GDF11: variants seen among roughly 807,000 people sequenced by gnomAD.
The protein encoded by GDF11 is growth/differentiation factor 11.
Under a neutral mutation model 34.4 loss-of-function variants are expected in GDF11, and 12 were observed. That is an observed-to-expected ratio of 0.35 (90% CI 0.22 to 0.57). The LOEUF (loss-of-function observed/expected upper bound fraction) is 0.57, where lower values mean the gene tolerates loss of function less well. GDF11 is among the 20% of genes least tolerant of loss of function. The pLI is 0.86. For synonymous variants in GDF11, 212 were observed against 231.1 expected (o/e 0.92, Z 0.75); for missense variants, 346 against 548.2 (o/e 0.63, Z 3.68).
rs1878298175 is a variant in GDF11, at chr12:55,750,879, A to G, written c.*997A>G. On this transcript the variant is annotated 3_prime_UTR_variant, in exon 3 of 3. Coordinates refer to ENST00000257868, the MANE Select transcript of GDF11 (RefSeq NM_005811.5). ...TTTAGCCAGAGGGTGCAGCCTGCTT[A>G]TGCCCAAATTCCCTCAGCCAAGAGA... is the stretch of plus-strand genomic sequence containing the variant. The G allele has an allele frequency of 6.6e-6, 1 of 152,210 alleles. No individual in the cohort carries two copies. Among genetic ancestry groups the G allele is most frequent in the African/African-American group, 2.4e-5 (1 of 41,432 alleles). 9.4% of individuals were successfully genotyped at this position (152,210 alleles called of 1,614,324 possible). A position where few individuals can be genotyped will look rare whatever the true frequency, so the allele number is the denominator to read the frequency against.
rs1221557708 is a variant in GDF11, at chr12:55,753,079, T to TG, written c.*3202dup. ...GAAGGATGGAAAGAGGACAGGAAACTGGGGGTACCTAGAACAACCCCTCTC... is the reference window on the plus strand; with the variant it reads ...GAAGGATGGAAAGAGGACAGGAAACTGGGGGGTACCTAGAACAACCCCTCTC... On this transcript the variant is annotated 3_prime_UTR_variant, in exon 3 of 3. Transcript: ENST00000257868. 3 of 152,194 alleles carry TG rather than the reference T, an allele frequency of 2.0e-5. No homozygotes were observed. Among genetic ancestry groups the TG allele is most frequent in the Non-Finnish European group, 4.4e-5 (3 of 68,066 alleles). 9.4% of individuals were successfully genotyped at this position (152,194 alleles called of 1,614,324 possible).
At position 55,752,572 on chromosome 12, in the gene GDF11, TATC is replaced by T. The variant is rs1169309886; in HGVS notation, c.*2693_*2695del. The T allele has an allele frequency of 1.3e-5, 2 of 152,182 alleles. No homozygotes were observed. The highest frequency in any genetic ancestry group is 2.4e-5 in the African/African-American group (1 of 41,436). 9.4% of individuals were successfully genotyped at this position (152,182 alleles called of 1,614,324 possible). A position where few individuals can be genotyped will look rare whatever the true frequency, so the allele number is the denominator to read the frequency against. On this transcript the variant is annotated 3_prime_UTR_variant, in exon 3 of 3. Transcript: ENST00000257868. ...GACCTGGCCAGTGCCCCTCTGAACA[TATC>T]ATTATTAGTGTAATTATCATTTATT... is the stretch of plus-strand genomic sequence containing the variant.
In GDF11 at chr12:55,748,920, C is replaced by T. The variant is rs1417445669; in HGVS notation, c.780C>T (p.Asn260=). The T allele has an allele frequency of 3.7e-6, 6 of 1,605,042 alleles. No homozygotes were observed. Among genetic ancestry groups the T allele is most frequent in the Non-Finnish European group, 5.1e-6 (6 of 1,179,858 alleles). The change falls in exon 2 of 3, where the codon AAC becomes AAT. Residue 260 remains asparagine, a synonymous_variant. Transcript: ENST00000257868. This position sits in a 1 kb window ranked among gnomAD's most constrained non-coding sequence, Gnocchi z 5.6. ...QPQSNWGIEI[N]AFDPSGTDLA... ...AGAGCAACTGGGGCATCGAGATCAA[C>T]GCCTTTGATCCCAGTGGCACAGACC...
chr12:55,753,935 G>A lies in GDF11; in HGVS notation c.*4053G>A, dbSNP rs1878421689. 1 of 152,156 alleles carries A rather than the reference G, an allele frequency of 6.6e-6. No homozygotes were observed. The highest frequency in any genetic ancestry group is 6.5e-5 in the Admixed American group (1 of 15,274). The allele number at this position is 152,156 out of a possible 1,614,324, so 9.4% of individuals were successfully genotyped here. On this transcript the variant is annotated 3_prime_UTR_variant, in exon 3 of 3. Transcript: ENST00000257868. ...AAATAGCCACTGTACTCCAAGCTGA[G>A]CAACACAGTAAGACACTGTCTCTAA...
At position 55,755,492 on chromosome 12, in the gene GDF11, G is replaced by C. The variant is rs1002420374; in HGVS notation, c.*5610G>C. 6.6e-6 allele frequency: 1 copy of C among 152,216 alleles called. No individual in the cohort carries two copies. Among genetic ancestry groups the C allele is most frequent in the Non-Finnish European group, 1.5e-5 (1 of 68,042 alleles). 9.4% of individuals were successfully genotyped at this position (152,216 alleles called of 1,614,324 possible). ...GAGAATGTCACAGCTTCAGGAATTG[G>C]AATCAGTTAACCACATCTGGATGCT... On this transcript the variant is annotated 3_prime_UTR_variant, in exon 3 of 3. Coordinates refer to ENST00000257868, the MANE Select transcript of GDF11 (RefSeq NM_005811.5).
chr12:55,753,770 C>CAAAAAAA lies in GDF11; in HGVS notation c.*3907_*3913dup, dbSNP rs35350773. ...GGTGACAGAGTGAGACTCCCATCTC[C>CAAAAAAA]AAAAAAAAAAAAAAAAAAAAAAAAA... is the stretch of plus-strand genomic sequence containing the variant. On this transcript the variant is annotated 3_prime_UTR_variant, in exon 3 of 3. Coordinates refer to ENST00000257868, the MANE Select transcript of GDF11 (RefSeq NM_005811.5). 3 of 51,118 alleles carry CAAAAAAA rather than the reference C, an allele frequency of 5.9e-5. No individual in the cohort carries two copies. Among genetic ancestry groups the CAAAAAAA allele is most frequent in the African/African-American group, 2.6e-4 (3 of 11,652 alleles). The allele number at this position is 51,118 out of a possible 1,614,324, so 3.2% of individuals were successfully genotyped here.
At position 55,754,542 on chromosome 12, in the gene GDF11, T is replaced by G. The variant is rs1176905861; in HGVS notation, c.*4660T>G. On this transcript the variant is annotated 3_prime_UTR_variant, in exon 3 of 3. Transcript: ENST00000257868. ...TGAATGGGACTCTTTCTGCCTTTTC[T>G]TTTTCTCAAAATACGACTGCATTAA... 1.3e-5 allele frequency: 2 copies of G among 152,236 alleles called. No individual in the cohort carries two copies. The highest frequency in any genetic ancestry group is 6.5e-5 in the Admixed American group (1 of 15,286). 9.4% of individuals were successfully genotyped at this position (152,236 alleles called of 1,614,324 possible).
chr12:55,749,122 G>A lies in GDF11; in HGVS notation c.843+139G>A. The A allele has an allele frequency of 2.2e-6, 2 of 890,116 alleles. No individual in the cohort carries two copies. The highest frequency in any genetic ancestry group is 3.3e-6 in the Non-Finnish European group (2 of 601,106). 55.1% of individuals were successfully genotyped at this position (890,116 alleles called of 1,614,324 possible). On this transcript the variant is annotated intron_variant, in intron 2 of 2. Transcript: ENST00000257868. This position sits in a 1 kb window ranked among gnomAD's most constrained non-coding sequence, Gnocchi z 5.6. ...TCTGGGGTCAGCAGCTGATTCTAGA[G>A]GAGGAGGTGAGGAGTGGGGTGGCAA...
Position 55,749,365 on chromosome 12 carries a change from T to C in GDF11, c.844-137T>C. On this transcript the variant is annotated intron_variant, in intron 2 of 2. Transcript: ENST00000257868. The surrounding 1 kb of genome is among the most constrained non-coding windows in gnomAD (Gnocchi z 5.6). ...GCAAGAAAAGTGGGCAAAAGATAAA[T>C]TCTGGGGGTGGGAGCAATGGAAAAG... The C allele has an allele frequency of 1.1e-6, 1 of 930,196 alleles. No homozygotes were observed. The highest frequency in any genetic ancestry group is 1.7e-5 in the African/African-American group (1 of 60,526). 57.6% of individuals were successfully genotyped at this position (930,196 alleles called of 1,614,324 possible). A position where few individuals can be genotyped will look rare whatever the true frequency, so the allele number is the denominator to read the frequency against.
rs1227502683 is a variant in GDF11, at chr12:55,756,997, TTC to T, written c.*7117_*7118del. The T allele has an allele frequency of 2.0e-5, 3 of 152,298 alleles. No homozygotes were observed. The highest frequency in any genetic ancestry group is 4.4e-5 in the Non-Finnish European group (3 of 68,090). 9.4% of individuals were successfully genotyped at this position (152,298 alleles called of 1,614,324 possible). ...TTTGCAACACCTAAAACCTCCCATG[TTC>T]TGTTTTATTTCAGTGGGTCACTACA... On this transcript the variant is annotated 3_prime_UTR_variant, in exon 3 of 3. Transcript: ENST00000257868.
chr12:55,746,287 C>T (rs563782485), intron 1 of GDF11, among the ~76,000 whole-genome samples: 4 of 152,144 alleles, frequency 2.6e-5, no homozygotes, highest in Non-Finnish European at 5.9e-5. Flanking sequence ...GTTTAGCTTC[C>T]TCCCACCTTT....
At position 55,743,511 on chromosome 12, in the gene GDF11, C is replaced by T. The variant is rs779578711; in HGVS notation, c.195C>T (p.Cys65=). Residue 65 remains cysteine, a synonymous_variant, in exon 1 of 3, where the codon TGC becomes TGT. Coordinates refer to ENST00000257868, the MANE Select transcript of GDF11 (RefSeq NM_005811.5). ...VAPEPDGCPV[C]VWRQHSRELR... is the part of the protein sequence containing the mutation. ...CCGAGCCGGACGGCTGCCCCGTGTGCGTTTGGCGGCAGCACAGCCGCGAGC... is the reference window on the plus strand; with the variant it reads ...CCGAGCCGGACGGCTGCCCCGTGTGTGTTTGGCGGCAGCACAGCCGCGAGC... The T allele has an allele frequency of 6.9e-6, 11 of 1,591,428 alleles. No individual in the cohort carries two copies. Among genetic ancestry groups the T allele is most frequent in the African/African-American group, 1.3e-5 (1 of 74,394 alleles).
At chr12:55,746,699 A>G (rs149209633) in intron 1 of GDF11, among the ~76,000 whole-genome samples, 2,178 of 152,352 alleles carry the variant, frequency 0.014, 23 homozygotes, top group African/African-American at 0.03. Flanking sequence ...GTAGCTTCTC[A>G]ATAAATGTTG....
In GDF11 at chr12:55,748,117, T is replaced by G. The variant is rs1043136653; in HGVS notation, c.446-469T>G. 6.6e-6 allele frequency among the ~76,000 whole-genome samples: 1 copy of G among 152,206 alleles called. No individual in the cohort carries two copies. The highest frequency in any genetic ancestry group is 1.5e-5 in the Non-Finnish European group (1 of 68,028). ...GGGTTATCCCCTCTCTGAGGCCATC[T>G]GTGTTATTTTGTGGGGGAGGGATGT... On this transcript the variant is annotated intron_variant, in intron 1 of 2. Coordinates refer to ENST00000257868, the MANE Select transcript of GDF11 (RefSeq NM_005811.5). The surrounding 1 kb of genome is among the most constrained non-coding windows in gnomAD (Gnocchi z 5.6).
intron 1 of GDF11, among the ~76,000 whole-genome samples, chr12:55,744,647 C>T (rs896931165): frequency 6.6e-6 from 1 of 150,874 alleles, no homozygotes; most frequent in East Asian, 1.9e-4. Flanking sequence ...CTACACCCCC[C>T]CTTTTCCAGC....
chr12:55,745,410 G>C (rs1878160366), intron 1 of GDF11, among the ~76,000 whole-genome samples: 1 of 152,014 alleles, frequency 6.6e-6, no homozygotes, highest in Admixed American at 6.5e-5. Context: ...CATGAGTTGG[G>C]CTGTGCAGGT....
rs535243034 is a variant in GDF11, at chr12:55,752,995, G to A, written c.*3113G>A. ...CAATGACTAAGAAGATGGGGTCCTGGAGCAAGACAGAAAACACTAAGGGCA... is the reference window on the plus strand; with the variant it reads ...CAATGACTAAGAAGATGGGGTCCTGAAGCAAGACAGAAAACACTAAGGGCA... On this transcript the variant is annotated 3_prime_UTR_variant, in exon 3 of 3. Transcript: ENST00000257868. 6.6e-6 allele frequency: 1 copy of A among 152,312 alleles called. No homozygotes were observed. The highest frequency in any genetic ancestry group is 2.1e-4 in the South Asian group (1 of 4,824). The allele number at this position is 152,312 out of a possible 1,614,324, so 9.4% of individuals were successfully genotyped here. A position where few individuals can be genotyped will look rare whatever the true frequency, so the allele number is the denominator to read the frequency against.
chr12:55,746,167 A>G (rs981850632), intron 1 of GDF11, among the ~76,000 whole-genome samples: 63 of 152,168 alleles, frequency 4.1e-4, no homozygotes, highest in African/African-American at 1.4e-3. Flanking sequence ...AGCTCGGCAT[A>G]TGTGTGCTGG....
At chr12:55,744,795 C>G (rs1288834756) in intron 1 of GDF11, among the ~76,000 whole-genome samples, 2 of 152,026 alleles carry the variant, frequency 1.3e-5, no homozygotes, top group South Asian at 2.1e-4. Context: ...GCAACACACA[C>G]AGAGTTTGGT....
Sources: gnomAD v4.1 joint callset for allele counts (sites outside exome capture counted in the v4.1 genomes callset) on GRCh38, gnomAD v4.1.1 for gene constraint, Gnocchi (gnomAD v3.1) non-coding constraint, MANE v1.5 for transcripts, NCBI Gene and HGNC (gene_info 2026-07-23, HGNC 2026-07-21) for gene names.